The following PAK2 variants were observed in gnomAD, a reference collection of about 807,000 sequenced individuals.
PAK2 encodes p21 (RAC1) activated kinase 2.
PAK2 carries 21 observed loss-of-function variants against 65.9 expected under a neutral mutation model. The observed-to-expected ratio is 0.32, with a 90% CI of 0.23 to 0.46. The LOEUF (loss-of-function observed/expected upper bound fraction) is 0.46. Ranked by LOEUF, PAK2 falls within the 20% of genes least tolerant of loss-of-function variation. The pLI is 1.00. For synonymous variants in PAK2, 204 were observed against 219.7 expected (o/e 0.93, Z 0.63); for missense variants, 324 against 642.6 (o/e 0.50, Z 5.36).
At chr3:196,763,737 A>G (rs1272486748) in intron 1 of PAK2, among the ~76,000 whole-genome samples, 1 of 152,140 alleles carries the variant, frequency 6.6e-6, no homozygotes, top group East Asian at 1.9e-4. Flanking sequence ...ATTATTGTCT[A>G]TTTTCTATAG....
Position 196,825,143 on chromosome 3 carries a change from T to G in PAK2, c.1351-2053T>G, listed in dbSNP as rs527879456. 6.0e-5 allele frequency among the ~76,000 whole-genome samples: 9 copies of G among 149,450 alleles called. No homozygotes were observed. In the South Asian group the frequency reaches 1.9e-3, roughly 32 times the overall value. ...GGCAGATCGCTTGAGGTTAGGAGTT[T>G]GAGACCAGCCTGGCCAATGTGGTGA... On this transcript the variant is annotated intron_variant, in intron 13 of 14. Coordinates refer to ENST00000327134, the MANE Select transcript of PAK2 (RefSeq NM_002577.4).
chr3:196,822,550 C>T (rs956054248), intron 13 of PAK2, among the ~76,000 whole-genome samples: 4 of 152,044 alleles, frequency 2.6e-5, no homozygotes, highest in African/African-American at 9.7e-5. Flanking sequence ...ATTAGCCAAG[C>T]ATGTTAGTGT....
In PAK2 at chr3:196,761,582, C is replaced by G. The variant is rs1205924085; in HGVS notation, c.-21-21044C>G. ...TTTCTACACAGACACGGCAACCATC[C>G]GATTTCTCAATCTTTTCCCCACCTT... On this transcript the variant is annotated intron_variant, in intron 1 of 14. Transcript: ENST00000327134. Among the ~76,000 whole-genome samples the G allele has an allele frequency of 2.5e-4, 31 of 124,676 alleles. 2 individuals are homozygous for G. In the South Asian group the frequency reaches 8.7e-3, roughly 35 times the overall value. The allele number at this position is 124,676 out of a possible 152,430, so 81.8% of individuals were successfully genotyped here.
intron 1 of PAK2, among the ~76,000 whole-genome samples, chr3:196,779,891 G>T (rs971145617): frequency 6.6e-6 from 1 of 152,136 alleles, no homozygotes; most frequent in South Asian, 2.1e-4. Context: ...AGTTGGTCTC[G>T]AACTCATGAC....
intron 1 of PAK2, among the ~76,000 whole-genome samples, chr3:196,768,578 C>T (rs1226883853): frequency 2.6e-5 from 4 of 151,920 alleles, no homozygotes; most frequent in African/African-American, 4.8e-5. Flanking sequence ...CAACCCCAAC[C>T]TCCTGGGCTC....
chr3:196,825,605 T>C (rs561611178), intron 13 of PAK2, among the ~76,000 whole-genome samples: 116 of 152,262 alleles, frequency 7.6e-4, no homozygotes, highest in Admixed American at 1.2e-3. Flanking sequence ...ATCGTGCCAT[T>C]GCATTCCAGC....
intron 9 of PAK2, 134 bp downstream of exon 9, chr3:196,812,401 T>C: frequency 1.5e-6 from 1 of 672,460 alleles, no homozygotes; most frequent in East Asian, 2.5e-5. Flanking sequence ...CGTATGTTTA[T>C]AGCACTTCTG....
intron 2 of PAK2, among the ~76,000 whole-genome samples, chr3:196,794,290 G>T (rs1314670853): frequency 1.3e-5 from 2 of 152,108 alleles, no homozygotes; most frequent in African/African-American, 4.8e-5. Context: ...AAGCACACTG[G>T]CTTCACTCAC....
At position 196,820,815 on chromosome 3, in the gene PAK2, C is replaced by G. The variant is rs557087854; in HGVS notation, c.1350+248C>G. Reference sequence around the variant, plus strand: ...ATTTTACGTAGGAAGTTTGGAGCACCTGTCTCTAAAGCTTCTCCTTCTTTT... The same window carrying G: ...ATTTTACGTAGGAAGTTTGGAGCACGTGTCTCTAAAGCTTCTCCTTCTTTT... On this transcript the variant is annotated intron_variant, in intron 13 of 14. Transcript: ENST00000327134. The surrounding 1 kb of genome is among the most constrained non-coding windows in gnomAD (Gnocchi z 4.6). Among the ~76,000 whole-genome samples, 1 of 152,180 alleles carries G rather than the reference C, an allele frequency of 6.6e-6. No homozygotes were observed. Among genetic ancestry groups the G allele is most frequent in the South Asian group, 2.1e-4 (1 of 4,816 alleles).
At chr3:196,768,145 C>A (rs970057877) in intron 1 of PAK2, among the ~76,000 whole-genome samples, 1 of 152,032 alleles carries the variant, frequency 6.6e-6, no homozygotes, top group Non-Finnish European at 1.5e-5. Flanking sequence ...AATGATAAAT[C>A]AACACGTGGT....
At chr3:196,751,860 A>G (rs1175941057) in intron 1 of PAK2, among the ~76,000 whole-genome samples, 1 of 145,622 alleles carries the variant, frequency 6.9e-6, no homozygotes, top group African/African-American at 2.6e-5. Flanking sequence ...CTCCTGCCTC[A>G]GTCTCCTGAG....
intron 10 of PAK2, among the ~76,000 whole-genome samples, chr3:196,813,111 C>T (rs986796769): frequency 1.3e-5 from 2 of 151,946 alleles, no homozygotes; most frequent in Middle Eastern, 3.2e-3. Flanking sequence ...CGACCTGAAG[C>T]GAACACATGA....
At chr3:196,741,452 A>G (rs982104811) in intron 1 of PAK2, among the ~76,000 whole-genome samples, 1 of 152,232 alleles carries the variant, frequency 6.6e-6, no homozygotes, top group Non-Finnish European at 1.5e-5. Flanking sequence ...ATGTTCTGTT[A>G]GGAGTATGGA....
At chr3:196,767,985 T>G (rs1714230121) in intron 1 of PAK2, among the ~76,000 whole-genome samples, 1 of 152,038 alleles carries the variant, frequency 6.6e-6, no homozygotes, top group African/African-American at 2.4e-5. Context: ...GTGAATAAAC[T>G]TCTTGGTGAA....
At chr3:196,752,325 A>G (rs1294020194) in intron 1 of PAK2, among the ~76,000 whole-genome samples, 1 of 152,166 alleles carries the variant, frequency 6.6e-6, no homozygotes, top group Non-Finnish European at 1.5e-5. Flanking sequence ...TTTGGAATGT[A>G]TACATCCTGT....
At chr3:196,793,929 G>A (rs951990908) in intron 2 of PAK2, among the ~76,000 whole-genome samples, 4 of 152,052 alleles carry the variant, frequency 2.6e-5, no homozygotes, top group East Asian at 1.9e-4. Context: ...TCAGAAGTTC[G>A]AAACCAGCCT....
chr3:196,811,297 C>CTTCCCTCCCTCCCTTCCT (rs1489555858), intron 8 of PAK2, among the ~76,000 whole-genome samples: 1 of 38,534 alleles, frequency 2.6e-5, no homozygotes, highest in African/African-American at 1.0e-4. Context: ...CCTTCCCTCC[C>CTTCCCTCCCTCCCTTCCT]TCCCTTCCTT....
intron 2 of PAK2, among the ~76,000 whole-genome samples, chr3:196,800,845 A>G (rs117667919): frequency 0.015 from 2,257 of 152,286 alleles, 98 homozygotes; most frequent in Admixed American, 0.093. Context: ...TCAAGAGGAA[A>G]ACGTAAGATC....
At chr3:196,746,517 A>G (rs1307515901) in intron 1 of PAK2, among the ~76,000 whole-genome samples, 3 of 152,158 alleles carry the variant, frequency 2.0e-5, no homozygotes, top group Admixed American at 2.0e-4. Flanking sequence ...ATAAATTTAG[A>G]TTAATAAGAA....
Sources: gnomAD v4.1 joint callset for allele counts (sites outside exome capture counted in the v4.1 genomes callset) on GRCh38, gnomAD v4.1.1 for gene constraint, Gnocchi (gnomAD v3.1) non-coding constraint, MANE v1.5 for transcripts, NCBI Gene and HGNC (gene_info 2026-07-23, HGNC 2026-07-21) for gene names.